Variants in FHIT observed in about 807,000 individuals in gnomAD.
FHIT encodes fragile histidine triad diadenosine triphosphatase, also known as bis(5'-adenosyl)-triphosphatase.
FHIT carries 19 observed loss-of-function variants against 17.9 expected under a neutral mutation model. The observed-to-expected ratio is 1.06, with a 90% CI of 0.74 to 1.56. The LOEUF is 1.56. FHIT is among the 40% of genes most tolerant of loss of function. The probability of loss-of-function intolerance (pLI) is 0.00; values close to 1 mark genes in which losing one functional copy is unlikely to be tolerated. For synonymous variants in FHIT, 81 were observed against 69.7 expected (o/e 1.16, Z -0.81); for missense variants, 248 against 189.2 (o/e 1.31, Z -1.82).
intron 3 of FHIT, among the ~76,000 whole-genome samples, chr3:60,895,672 T>TTCTA (rs1705762720): frequency 3.9e-5 from 1 of 25,340 alleles, no homozygotes; most frequent in African/African-American, 1.0e-4. Flanking sequence ...CTTCCTTTCT[T>TTCTA]TCTTTCTTTC....
At chr3:60,988,387 A>G (rs2029876340) in intron 3 of FHIT, among the ~76,000 whole-genome samples, 1 of 152,188 alleles carries the variant, frequency 6.6e-6, no homozygotes, top group Non-Finnish European at 1.5e-5. Flanking sequence ...AAGAATCCCT[A>G]CGTGATGGAG....
chr3:60,178,403 A>G (rs1296381324), intron 5 of FHIT, among the ~76,000 whole-genome samples: 2 of 152,120 alleles, frequency 1.3e-5, no homozygotes, highest in Non-Finnish European at 2.9e-5. Context: ...CCTGGCCAAC[A>G]TGGTGAACCC....
chr3:60,706,231 C>A (rs1392348739), intron 4 of FHIT, among the ~76,000 whole-genome samples: 3 of 76,998 alleles, frequency 3.9e-5, no homozygotes, highest in Admixed American at 2.2e-4. Context: ...CATCACACAT[C>A]GGGGCCTGTT....
At chr3:60,221,126 GT>G (rs1214726225) in intron 5 of FHIT, among the ~76,000 whole-genome samples, 2 of 152,088 alleles carry the variant, frequency 1.3e-5, no homozygotes, top group East Asian at 3.9e-4. Flanking sequence ...ATGTAACTGT[GT>G]ATTCAGCTGG....
At chr3:60,826,050 A>C (rs1197416921) in intron 3 of FHIT, among the ~76,000 whole-genome samples, 1 of 152,114 alleles carries the variant, frequency 6.6e-6, no homozygotes, top group Non-Finnish European at 1.5e-5. Flanking sequence ...GTTTTGGGAT[A>C]GTGAGAGTAC....
chr3:61,153,142 CAAA>C (rs372065718), intron 2 of FHIT, among the ~76,000 whole-genome samples: 5 of 78,390 alleles, frequency 6.4e-5, no homozygotes, highest in Non-Finnish European at 2.8e-5. Context: ...GACTCCATCT[CAAA>C]AAAAAAAAAA....
At chr3:60,448,008 T>C (rs1280344695) in intron 5 of FHIT, among the ~76,000 whole-genome samples, 3 of 152,202 alleles carry the variant, frequency 2.0e-5, no homozygotes, top group Non-Finnish European at 4.4e-5. Flanking sequence ...TTTCAGAATA[T>C]TACCCTGTTA....
intron 5 of FHIT, among the ~76,000 whole-genome samples, chr3:60,491,988 G>C (rs758595300): frequency 6.6e-6 from 1 of 152,090 alleles, no homozygotes; most frequent in East Asian, 1.9e-4. Context: ...TTCTAACCTC[G>C]TTTATGTGAA....
At chr3:60,685,335 G>A (rs2040838397) in intron 4 of FHIT, among the ~76,000 whole-genome samples, 1 of 152,172 alleles carries the variant, frequency 6.6e-6, no homozygotes, top group Admixed American at 6.5e-5. Flanking sequence ...AAAACCCTAA[G>A]AGAGAAAATT....
intron 5 of FHIT, among the ~76,000 whole-genome samples, chr3:60,214,621 T>A (rs1008810430): frequency 2.0e-5 from 3 of 152,084 alleles, no homozygotes; most frequent in Non-Finnish European, 4.4e-5. Context: ...CTCAAAGATC[T>A]TAATAACAGA....
At chr3:60,475,300 T>C (rs192045520) in intron 5 of FHIT, among the ~76,000 whole-genome samples, 1 of 152,220 alleles carries the variant, frequency 6.6e-6, no homozygotes, top group Non-Finnish European at 1.5e-5. Context: ...GTAACTTAAA[T>C]GTTTTTCTCC....
intron 5 of FHIT, among the ~76,000 whole-genome samples, chr3:60,301,604 C>T (rs1708460601): frequency 1.3e-5 from 2 of 152,160 alleles, no homozygotes; most frequent in African/African-American, 4.8e-5. Context: ...GACATACCCC[C>T]CAGTTTCCCT....
At chr3:59,756,370 T>C (rs1701218994) in intron 8 of FHIT, among the ~76,000 whole-genome samples, 1 of 151,984 alleles carries the variant, frequency 6.6e-6, no homozygotes, top group Non-Finnish European at 1.5e-5. Flanking sequence ...TCCTAAGGAG[T>C]GAGTAAGGTA....
intron 3 of FHIT, among the ~76,000 whole-genome samples, chr3:60,897,830 G>A (rs1705908904): frequency 6.6e-6 from 1 of 152,044 alleles, no homozygotes; most frequent in South Asian, 2.1e-4. Flanking sequence ...ATAACCATAG[G>A]AATCTTTCTC....
chr3:60,331,002 C>T (rs990192295), intron 5 of FHIT, among the ~76,000 whole-genome samples: 1 of 152,170 alleles, frequency 6.6e-6, no homozygotes, highest in African/African-American at 2.4e-5. Context: ...CAACCTCTCC[C>T]TTTTCAAGAT....
chr3:60,828,282 C>A (rs1553741556), intron 3 of FHIT, among the ~76,000 whole-genome samples: 3 of 152,096 alleles, frequency 2.0e-5, no homozygotes, highest in South Asian at 2.1e-4. Flanking sequence ...TTAACATAAC[C>A]ATTTTAACAT....
At chr3:61,150,890 T>C (rs915588312) in intron 2 of FHIT, among the ~76,000 whole-genome samples, 1 of 152,184 alleles carries the variant, frequency 6.6e-6, no homozygotes, top group Non-Finnish European at 1.5e-5. Flanking sequence ...CCAAATATTA[T>C]TAAATTGGCC....
chr3:60,542,853 C>T (rs1359156742), intron 4 of FHIT, among the ~76,000 whole-genome samples: 1 of 152,046 alleles, frequency 6.6e-6, no homozygotes, highest in Non-Finnish European at 1.5e-5. Context: ...ATATATATTC[C>T]TATATTTTCT....
At chr3:59,860,410 GCAAA>G (rs1379011184) in intron 8 of FHIT, among the ~76,000 whole-genome samples, 6 of 152,218 alleles carry the variant, frequency 3.9e-5, no homozygotes, top group African/African-American at 1.4e-4. Context: ...TTGCAAACAA[GCAAA>G]CAGTTGCCAT....
Sources: gnomAD v4.1 joint callset for allele counts (sites outside exome capture counted in the v4.1 genomes callset) on GRCh38, gnomAD v4.1.1 for gene constraint, MANE v1.5 for transcripts, NCBI Gene and HGNC (gene_info 2026-07-23, HGNC 2026-07-21) for gene names.